METTL15: variants seen among roughly 807,000 people sequenced by gnomAD.
METTL15 encodes the protein methyltransferase 15, mitochondrial 12S rRNA N4-cytidine, also known as 12S rRNA N(4)-cytidine methyltransferase METTL15.
Under a neutral mutation model 38.3 loss-of-function variants are expected in METTL15, and 34 were observed. That is an observed-to-expected ratio of 0.89 (90% CI 0.68 to 1.18). The LOEUF is 1.18. Among genes scored for constraint, METTL15 ranks in the 50% most tolerant of loss-of-function variants. The pLI is 0.00. For missense variants in METTL15, 438 were observed against 498.4 expected, an observed-to-expected ratio of 0.88 and a Z score of 1.15; for synonymous variants, 162 against 170.9, an observed-to-expected ratio of 0.95 and a Z score of 0.41.
intron 3 of METTL15, among the ~76,000 whole-genome samples, chr11:28,129,696 C>T (rs1315852596): frequency 2.0e-5 from 3 of 152,146 alleles, no homozygotes; most frequent in Non-Finnish European, 2.9e-5. Flanking sequence ...AGGTGTGAGT[C>T]ACTGCGCTCA....
intron 4 of METTL15, among the ~76,000 whole-genome samples, chr11:28,357,340 C>T (rs1322273267): frequency 6.6e-6 from 1 of 152,146 alleles, no homozygotes; most frequent in Non-Finnish European, 1.5e-5. Context: ...TGTGAATGTG[C>T]TTGATACATA....
chr11:28,374,615 G>A (rs1483116487), intron 5 of METTL15, among the ~76,000 whole-genome samples: 1 of 140,252 alleles, frequency 7.1e-6, no homozygotes, highest in Middle Eastern at 3.5e-3. Context: ...CTGCAAACAG[G>A]GACAATTTGA....
chr11:28,266,592 C>CT (rs1218521820), intron 4 of METTL15, among the ~76,000 whole-genome samples: 18 of 152,144 alleles, frequency 1.2e-4, no homozygotes, highest in Non-Finnish European at 2.6e-4. Context: ...CTTGATTTCT[C>CT]TTTTTTTCTC....
chr11:28,386,438 GA>G (rs1168933783), intron 5 of METTL15, among the ~76,000 whole-genome samples: 2 of 150,884 alleles, frequency 1.3e-5, no homozygotes, highest in East Asian at 1.9e-4. Flanking sequence ...ACTTACATCA[GA>G]AAAAAAATAG....
At chr11:28,517,679 C>T (rs1851730792) in intron 6 of METTL15, among the ~76,000 whole-genome samples, 1 of 152,208 alleles carries the variant, frequency 6.6e-6, no homozygotes, top group Admixed American at 6.5e-5. Flanking sequence ...CCTTGCCGCT[C>T]TTTCCATTCT....
intron 6 of METTL15, among the ~76,000 whole-genome samples, chr11:28,304,228 A>T (rs1857003855): frequency 6.6e-6 from 1 of 152,066 alleles, no homozygotes. Flanking sequence ...TCATTCCAAG[A>T]TGTTCTTCCC....
intron 5 of METTL15, 32 bp from the exon 6 acceptor site, chr11:28,296,721 T>A: frequency 6.2e-7 from 1 of 1,609,094 alleles, no homozygotes; most frequent in South Asian, 1.1e-5. Flanking sequence ...AGAACTGATG[T>A]CAGTGAACTA....
At chr11:28,238,981 C>G (rs150770552) in intron 4 of METTL15, among the ~76,000 whole-genome samples, 2 of 152,148 alleles carry the variant, frequency 1.3e-5, no homozygotes, top group African/African-American at 4.8e-5. Flanking sequence ...CCTATCTGTA[C>G]TGTTCCTTGT....
At chr11:28,449,601 T>C (rs1464994292) in intron 6 of METTL15, among the ~76,000 whole-genome samples, 1 of 152,182 alleles carries the variant, frequency 6.6e-6, no homozygotes, top group Non-Finnish European at 1.5e-5. Context: ...TCTTCTCATA[T>C]AGAAATGGTA....
chr11:28,185,307 C>G (rs1590124443), intron 3 of METTL15, among the ~76,000 whole-genome samples: 7 of 151,080 alleles, frequency 4.6e-5, no homozygotes, highest in Admixed American at 4.0e-4. Context: ...TTTTTTTAAA[C>G]AATATTTAAT....
chr11:28,423,325 C>G (rs776485581), intron 5 of METTL15, among the ~76,000 whole-genome samples: 1 of 151,916 alleles, frequency 6.6e-6, no homozygotes, highest in Non-Finnish European at 1.5e-5. Context: ...ATCATGTGAT[C>G]CATCAATCCC....
intron 4 of METTL15, among the ~76,000 whole-genome samples, chr11:28,354,349 G>A (rs1850071750): frequency 6.6e-6 from 1 of 152,160 alleles, no homozygotes; most frequent in Admixed American, 6.5e-5. Context: ...GGGGAGAGGA[G>A]AATAGTATGT....
At chr11:28,236,300 G>A (rs1388692676) in intron 4 of METTL15, among the ~76,000 whole-genome samples, 11 of 152,062 alleles carry the variant, frequency 7.2e-5, no homozygotes, top group African/African-American at 2.4e-4. Flanking sequence ...TGGCTTTGGT[G>A]TCAGGATGAT....
At chr11:28,430,939 C>G (rs1208726178) in intron 6 of METTL15, among the ~76,000 whole-genome samples, 1 of 91,342 alleles carries the variant, frequency 1.1e-5, no homozygotes. Flanking sequence ...CCGCCCCGTC[C>G]GGGAGGTGAG....
chr11:28,236,339 A>G, intron 4 of METTL15, among the ~76,000 whole-genome samples: 1 of 151,996 alleles, frequency 6.6e-6, no homozygotes, highest in South Asian at 2.1e-4. Context: ...GTTAGGGAGG[A>G]TTCCCTCTTT....
intron 4 of METTL15, among the ~76,000 whole-genome samples, chr11:28,226,886 A>G (rs1463514461): frequency 6.6e-6 from 1 of 151,982 alleles, no homozygotes; most frequent in Non-Finnish European, 1.5e-5. Flanking sequence ...TACACTGTCA[A>G]AGTGAAAGAA....
chr11:28,204,557 T>C (rs1227875583), intron 3 of METTL15, among the ~76,000 whole-genome samples: 1 of 139,788 alleles, frequency 7.2e-6, no homozygotes, highest in Non-Finnish European at 1.5e-5. Context: ...CATAAAGCAA[T>C]AAGCAGATAC....
At chr11:28,268,462 A>T (rs1176552292) in intron 4 of METTL15, among the ~76,000 whole-genome samples, 1 of 152,042 alleles carries the variant, frequency 6.6e-6, no homozygotes, top group Non-Finnish European at 1.5e-5. Context: ...TTCTGATTGT[A>T]CATTGTGTTT....
At chr11:28,262,856 A>G (rs1855263420) in intron 4 of METTL15, among the ~76,000 whole-genome samples, 1 of 152,084 alleles carries the variant, frequency 6.6e-6, no homozygotes, top group Non-Finnish European at 1.5e-5. Flanking sequence ...AGTCATCCAA[A>G]TGTCCAGGTC....
Sources: allele counts gnomAD v4.1 joint callset (sites outside exome capture counted in the v4.1 genomes callset), GRCh38; gene constraint gnomAD v4.1.1; transcripts MANE v1.5; gene names NCBI Gene and HGNC (gene_info 2026-07-23, HGNC 2026-07-21).